The following BTBD9 variants were observed in gnomAD, a reference collection of about 807,000 sequenced individuals.
The protein encoded by BTBD9 is BTB/POZ domain-containing protein 9.
In BTBD9, 49 loss-of-function variants were observed where a neutral mutation model predicts 64.3. The ratio of observed to expected loss-of-function variants is 0.76; its 90% CI spans 0.61 to 0.97. BTBD9 has a LOEUF of 0.97. Among genes scored for constraint, BTBD9 ranks in the 50% least tolerant of loss-of-function variants. The pLI is 0.00. For missense variants in BTBD9, 598 were observed against 762.1 expected, an observed-to-expected ratio of 0.78 and a Z score of 2.53; for synonymous variants, 260 against 274.7, an observed-to-expected ratio of 0.95 and a Z score of 0.53.
chr6:38,175,302 G>T (rs1766952525), intron 10 of BTBD9, 120 bp from the exon 11 acceptor site: 1 of 1,043,304 alleles, frequency 9.6e-7, no homozygotes, highest in African/African-American at 1.6e-5. Context: ...GTTAGAGGAG[G>T]TCCTTCCCAC....
chr6:38,525,260 G>A (rs74650262), intron 6 of BTBD9, among the ~76,000 whole-genome samples: 2,362 of 152,120 alleles, frequency 0.016, 34 homozygotes, highest in South Asian at 0.063. Context: ...GCTCTTGCTC[G>A]CTCTCTCTCC....
At chr6:38,600,103 C>T (rs1777190312) in intron 1 of BTBD9, among the ~76,000 whole-genome samples, 1 of 152,198 alleles carries the variant, frequency 6.6e-6, no homozygotes, top group African/African-American at 2.4e-5. Flanking sequence ...ATGTGTGACA[C>T]AGTAGTCTTA....
At chr6:38,359,432 G>C (rs1312110918) in intron 6 of BTBD9, among the ~76,000 whole-genome samples, 1 of 152,182 alleles carries the variant, frequency 6.6e-6, no homozygotes, top group African/African-American at 2.4e-5. Context: ...GTGTCATTCT[G>C]AGTTCTCCCA....
chr6:38,370,453 T>C (rs1268295431), intron 6 of BTBD9, among the ~76,000 whole-genome samples: 1 of 152,222 alleles, frequency 6.6e-6, no homozygotes, highest in African/African-American at 2.4e-5. Flanking sequence ...TTCTTTCCCA[T>C]GGTCATTACT....
chr6:38,220,272 G>A (rs1267657980), intron 9 of BTBD9, among the ~76,000 whole-genome samples: 1 of 152,232 alleles, frequency 6.6e-6, no homozygotes, highest in African/African-American at 2.4e-5. Context: ...AGCAGGCTGT[G>A]TTCTCACAGC....
At chr6:38,567,372 C>T (rs1008002153) in intron 6 of BTBD9, among the ~76,000 whole-genome samples, 2 of 152,032 alleles carry the variant, frequency 1.3e-5, no homozygotes, top group Admixed American at 6.6e-5. Context: ...ATATATGACC[C>T]ATATTATTTG....
intron 9 of BTBD9, among the ~76,000 whole-genome samples, chr6:38,200,626 T>C (rs533143959): frequency 2.6e-5 from 4 of 152,104 alleles, no homozygotes; most frequent in Non-Finnish European, 5.9e-5. Flanking sequence ...TCAAAGACTA[T>C]TCTGAACAAC....
At chr6:38,498,457 T>TA (rs11393821) in intron 6 of BTBD9, among the ~76,000 whole-genome samples, 64,319 of 132,532 alleles carry the variant, frequency 0.49, 16,355 homozygotes, top group African/African-American at 0.56. Context: ...TATCTAGTAC[T>TA]AAAAAAAAAA....
chr6:38,627,368 G>A (rs995333805), intron 1 of BTBD9, among the ~76,000 whole-genome samples: 3 of 152,224 alleles, frequency 2.0e-5, no homozygotes, highest in Non-Finnish European at 4.4e-5. Context: ...ATATGGAACA[G>A]CCTCCAAGAT....
At chr6:38,468,877 G>C (rs1252501225) in intron 6 of BTBD9, among the ~76,000 whole-genome samples, 1 of 152,082 alleles carries the variant, frequency 6.6e-6, no homozygotes, top group East Asian at 1.9e-4. Flanking sequence ...ACCTCTCTCT[G>C]AGCAAAGCTT....
rs1766809268 is a variant in BTBD9, at chr6:38,171,932, C to A, written c.*3053G>T. 1 of 146,482 alleles carries A rather than the reference C, an allele frequency of 6.8e-6. No individual in the cohort carries two copies. Among genetic ancestry groups the A allele is most frequent in the Admixed American group, 7.0e-5 (1 of 14,384 alleles). 9.1% of individuals were successfully genotyped at this position (146,482 alleles called of 1,614,324 possible). On this transcript the variant is annotated 3_prime_UTR_variant, in exon 11 of 11. Transcript: ENST00000481247. Reference sequence around the variant, plus strand: ...TAATGAAAAGTGAAGGGTGGGGGTGCTGGCCACCTCCCATTTCTTTGCCTG... The same window carrying A: ...TAATGAAAAGTGAAGGGTGGGGGTGATGGCCACCTCCCATTTCTTTGCCTG...
chr6:38,304,330 G>A (rs1486901376), intron 7 of BTBD9, among the ~76,000 whole-genome samples: 1 of 151,864 alleles, frequency 6.6e-6, no homozygotes, highest in African/African-American at 2.4e-5. Context: ...GGCGGATCAC[G>A]AGGTCAAGAG....
At chr6:38,505,964 C>CAAAAAAAAAAA (rs59014161) in intron 6 of BTBD9, among the ~76,000 whole-genome samples, 1,411 of 82,568 alleles carry the variant, frequency 0.017, 132 homozygotes, top group African/African-American at 0.021. Flanking sequence ...TCCGTCTCAA[C>CAAAAAAAAAAA]AAAAAAAAAA....
At chr6:38,227,096 T>C (rs1763421889) in intron 9 of BTBD9, among the ~76,000 whole-genome samples, 1 of 152,204 alleles carries the variant, frequency 6.6e-6, no homozygotes, top group Admixed American at 6.5e-5. Flanking sequence ...GCTCACCCAC[T>C]GTGTGCCTCA....
intron 8 of BTBD9, among the ~76,000 whole-genome samples, chr6:38,280,873 G>C (rs1456396218): frequency 6.6e-6 from 1 of 152,212 alleles, no homozygotes; most frequent in Non-Finnish European, 1.5e-5. Context: ...AGTTGCACTA[G>C]CATCTATGTT....
At chr6:38,351,246 A>C (rs76454562) in intron 6 of BTBD9, among the ~76,000 whole-genome samples, 2,785 of 152,286 alleles carry the variant, frequency 0.018, 101 homozygotes, top group African/African-American at 0.06. Flanking sequence ...TGAAAGGTTA[A>C]ACACTACACA....
intron 6 of BTBD9, among the ~76,000 whole-genome samples, chr6:38,521,132 TA>T (rs11334534): frequency 0.2 from 28,790 of 143,532 alleles, 2,769 homozygotes; most frequent in East Asian, 0.27. Flanking sequence ...TGAAAATAAT[TA>T]AAAAAAAAAA....
chr6:38,479,875 T>G (rs1384057032), intron 6 of BTBD9, among the ~76,000 whole-genome samples: 1 of 152,092 alleles, frequency 6.6e-6, no homozygotes, highest in Non-Finnish European at 1.5e-5. Flanking sequence ...ACTACAGGTG[T>G]GCACCACCAT....
intron 6 of BTBD9, among the ~76,000 whole-genome samples, chr6:38,538,808 G>A (rs1047412496): frequency 2.0e-5 from 3 of 150,374 alleles, no homozygotes; most frequent in Non-Finnish European, 4.4e-5. Context: ...TTTTGAGACA[G>A]AGTCTTGCTC....
Sources: gnomAD v4.1 joint callset for allele counts (sites outside exome capture counted in the v4.1 genomes callset) on GRCh38, gnomAD v4.1.1 for gene constraint, MANE v1.5 for transcripts, NCBI Gene and HGNC (gene_info 2026-07-23, HGNC 2026-07-21) for gene names.